DTX1: variants seen among roughly 807,000 people sequenced by gnomAD.
DTX1 encodes the protein deltex E3 ubiquitin ligase 1.
DTX1 carries 26 observed loss-of-function variants against 57.8 expected under a neutral mutation model. The observed-to-expected ratio is 0.45, with a 90% CI of 0.33 to 0.62. The LOEUF (loss-of-function observed/expected upper bound fraction) is 0.62. Ranked by LOEUF, DTX1 falls within the 20% of genes least tolerant of loss-of-function variation. The pLI, the probability that DTX1 is intolerant of heterozygous loss-of-function variation, is 0.02. For missense variants in DTX1, 704 were observed against 895.3 expected (o/e 0.79, Z 2.73); for synonymous variants, 398 against 394.1 (o/e 1.01, Z -0.12).
intron 2 of DTX1, among the ~76,000 whole-genome samples, chr12:113,075,225 C>G (rs569794374): frequency 6.6e-6 from 1 of 152,224 alleles, no homozygotes; most frequent in Non-Finnish European, 1.5e-5. Context: ...TGCCTACGCA[C>G]AGTCACAGAG....
chr12:113,085,983 A>G (rs543366798), intron 3 of DTX1, among the ~76,000 whole-genome samples: 70 of 152,280 alleles, frequency 4.6e-4, no homozygotes, highest in Non-Finnish European at 7.6e-4. Context: ...AAAGCAAGGT[A>G]TGGTCCAGGC....
rs1950265807 is a variant in DTX1, at chr12:113,093,945, A to G, written c.1166-93A>G. On this transcript the variant is annotated intron_variant, in intron 5 of 9. Transcript: ENST00000548759. This position sits in a 1 kb window ranked among gnomAD's most constrained non-coding sequence, Gnocchi z 4.2. ...ACCCCGGCCAACCCTTGCCAGCCTG[A>G]CCCCTGCCCTCTGACCCCTGACCCA... 2 of 1,522,872 alleles carry G rather than the reference A, an allele frequency of 1.3e-6. No homozygotes were observed. The highest frequency in any genetic ancestry group is 1.4e-5 in the African/African-American group (1 of 72,404). The allele number at this position is 1,522,872 out of a possible 1,614,324, so 94.3% of individuals were successfully genotyped here.
At chr12:113,083,882 T>C (rs2044836124) in intron 3 of DTX1, among the ~76,000 whole-genome samples, 1 of 152,208 alleles carries the variant, frequency 6.6e-6, no homozygotes, top group Admixed American at 6.5e-5. Flanking sequence ...TTGGACCCAC[T>C]TGAGGCTTGG....
chr12:113,095,008 T>A, intron 7 of DTX1, 34 bp from the exon 8 acceptor site: 1 of 1,602,214 alleles, frequency 6.2e-7, no homozygotes, highest in South Asian at 1.1e-5. Context: ...TTTGGGGGGG[T>A]GCTGGGAACT....
Position 113,077,353 on chromosome 12 carries a change from T to G in DTX1, c.260-71T>G. On this transcript the variant is annotated intron_variant, in intron 2 of 9. Transcript: ENST00000548759. This position sits in a 1 kb window ranked among gnomAD's most constrained non-coding sequence, Gnocchi z 7.8. ...AACCTCCCGCCCACCCTTGCCTGGC[T>G]GTGGCCCGCCCTTCCAGCCGCGCAG... 6.1e-6 allele frequency: 8 copies of G among 1,317,194 alleles called. No individual in the cohort carries two copies. The highest frequency in any genetic ancestry group is 2.6e-5 in the East Asian group (1 of 38,894). The allele number at this position is 1,317,194 out of a possible 1,614,324, so 81.6% of individuals were successfully genotyped here. A position where few individuals can be genotyped will look rare whatever the true frequency, so the allele number is the denominator to read the frequency against.
At chr12:113,058,859 C>T (rs2044648371) in intron 2 of DTX1, among the ~76,000 whole-genome samples, 1 of 152,178 alleles carries the variant, frequency 6.6e-6, no homozygotes, top group South Asian at 2.1e-4. Context: ...GGCAGTAAGT[C>T]TGTGTATTGT....
At chr12:113,079,239 A>G (rs985027711) in intron 3 of DTX1, among the ~76,000 whole-genome samples, 4 of 152,138 alleles carry the variant, frequency 2.6e-5, no homozygotes, top group African/African-American at 9.7e-5. Flanking sequence ...GGGGGTTTGG[A>G]CTGTGGTCCC....
intron 3 of DTX1, among the ~76,000 whole-genome samples, chr12:113,085,422 A>G (rs1212962355): frequency 1.3e-5 from 2 of 152,188 alleles, no homozygotes; most frequent in Non-Finnish European, 2.9e-5. Context: ...TGCCAAGCTG[A>G]TAATTCCTAA....
At chr12:113,078,127 G>A in intron 3 of DTX1, 22 bp downstream of exon 3, 2 of 1,340,112 alleles carry the variant, frequency 1.5e-6, no homozygotes, top group South Asian at 1.7e-5. Flanking sequence ...CCCAGGGGGA[G>A]GGGGCCTCTG....
At chr12:113,082,205 C>T (rs1241092030) in intron 3 of DTX1, among the ~76,000 whole-genome samples, 1 of 152,098 alleles carries the variant, frequency 6.6e-6, no homozygotes, top group East Asian at 1.9e-4. Flanking sequence ...CTCAAGAACT[C>T]CCTCATCCCT....
At chr12:113,065,320 C>T (rs919645781) in intron 2 of DTX1, among the ~76,000 whole-genome samples, 1 of 152,188 alleles carries the variant, frequency 6.6e-6, no homozygotes, top group African/African-American at 2.4e-5. Flanking sequence ...AGCCGCCTGC[C>T]GACGCTGAGA....
chr12:113,063,283 A>C (rs1034707965), intron 2 of DTX1, among the ~76,000 whole-genome samples: 4 of 152,168 alleles, frequency 2.6e-5, no homozygotes, highest in African/African-American at 4.8e-5. Context: ...AGGTTTGAGA[A>C]TGGCTTTCTG....
At chr12:113,071,818 C>G (rs558062079) in intron 2 of DTX1, among the ~76,000 whole-genome samples, 1 of 152,364 alleles carries the variant, frequency 6.6e-6, no homozygotes, top group Admixed American at 6.5e-5. Context: ...GGGTGCAGGG[C>G]CCAGCGGGGA....
At chr12:113,085,525 C>T (rs1191897489) in intron 3 of DTX1, among the ~76,000 whole-genome samples, 1 of 152,166 alleles carries the variant, frequency 6.6e-6, no homozygotes, top group East Asian at 1.9e-4. Context: ...CTTCTTTTGC[C>T]AATTACTTGT....
chr12:113,061,058 C>T (rs1452236539), intron 2 of DTX1, among the ~76,000 whole-genome samples: 3 of 152,192 alleles, frequency 2.0e-5, no homozygotes, highest in African/African-American at 4.8e-5. Flanking sequence ...CAGACTTGCA[C>T]ACTCCCCTTT....
intron 9 of DTX1, 122 bp downstream of exon 9, chr12:113,095,536 C>A: frequency 1.5e-6 from 2 of 1,300,558 alleles, no homozygotes; most frequent in Non-Finnish European, 2.1e-6. Context: ...CCAAAAGCAG[C>A]ACCCGAACAG....
At chr12:113,059,749 G>A (rs2044653619) in intron 2 of DTX1, among the ~76,000 whole-genome samples, 1 of 152,190 alleles carries the variant, frequency 6.6e-6, no homozygotes, top group Non-Finnish European at 1.5e-5. Context: ...AGGCTGGTAG[G>A]ATGCTCGCTT....
At position 113,096,997 on chromosome 12, in the gene DTX1, T is replaced by G. The variant is rs1950308842; in HGVS notation, c.*58T>G. 1 of 1,517,340 alleles carries G rather than the reference T, an allele frequency of 6.6e-7. No individual in the cohort carries two copies. Among genetic ancestry groups the G allele is most frequent in the Admixed American group, 1.9e-5 (1 of 51,416 alleles). 94.0% of individuals were successfully genotyped at this position (1,517,340 alleles called of 1,614,324 possible). On this transcript the variant is annotated 3_prime_UTR_variant, in exon 10 of 10. Coordinates refer to ENST00000548759, the MANE Select transcript of DTX1 (RefSeq NM_004416.3). ...GCCCCTGGTCCGGCAAATGCCTCCT[T>G]CGCCAGGTGTGTCCTGGTAGCCCAG... is the stretch of plus-strand genomic sequence containing the variant.
chr12:113,094,069 C>T lies in DTX1; in HGVS notation c.1197C>T (p.Tyr399=), dbSNP rs1345898406. ...ATCCCGAGGATGTGGTTCGAAGATA[C>T]ATGCAGAAGGTGAAAAACCCACCTG... ...SKNPEDVVRR[Y]MQKVKNPPDE... The change falls in exon 6 of 10, where the codon TAC becomes TAT. Residue 399 remains tyrosine, a synonymous_variant. Coordinates refer to ENST00000548759, the MANE Select transcript of DTX1 (RefSeq NM_004416.3). 1.7e-5 allele frequency: 26 copies of T among 1,546,892 alleles called. No individual in the cohort carries two copies. Among genetic ancestry groups the T allele is most frequent in the Non-Finnish European group, 2.2e-5 (25 of 1,142,018 alleles).
Sources: allele counts gnomAD v4.1 joint callset (sites outside exome capture counted in the v4.1 genomes callset), GRCh38; gene constraint gnomAD v4.1.1; non-coding constraint Gnocchi (gnomAD v3.1); transcripts MANE v1.5; gene names NCBI Gene and HGNC (gene_info 2026-07-23, HGNC 2026-07-21).